Variants in DACH1 observed in about 807,000 individuals in gnomAD.
DACH1 encodes dachshund homolog 1.
In DACH1, 12 loss-of-function variants were observed where a neutral mutation model predicts 54.2. That is an observed-to-expected ratio of 0.22 (90% CI 0.14 to 0.36). The LOEUF (loss-of-function observed/expected upper bound fraction) is 0.36. Ranked by LOEUF, DACH1 falls within the 10% of genes least tolerant of loss-of-function variation. The pLI is 1.00. For missense variants in DACH1, 805 were observed against 929.8 expected (o/e 0.87, Z 1.75); for synonymous variants, 386 against 366.2 (o/e 1.05, Z -0.62).
intron 1 of DACH1, among the ~76,000 whole-genome samples, chr13:71,805,229 A>G (rs894306434): frequency 6.6e-6 from 1 of 152,210 alleles, no homozygotes; most frequent in Non-Finnish European, 1.5e-5. Context: ...TCAAAGTACC[A>G]GGACATGACT....
In DACH1 at chr13:71,644,641, C is replaced by T. The variant is rs143342121; in HGVS notation, c.965-13924G>A. 3.6e-4 allele frequency among the ~76,000 whole-genome samples: 55 copies of T among 152,322 alleles called. 1 individual carries two copies. The highest frequency in any genetic ancestry group is 8.3e-4 in the South Asian group (4 of 4,828). ...GGCCCTCTCTGCCAGGTTCTATCCA[C>T]AAATCACAATGCTCTCAGCAGGGCA... On this transcript the variant is annotated intron_variant, in intron 2 of 10. Transcript: ENST00000613252.
intron 2 of DACH1, among the ~76,000 whole-genome samples, chr13:71,646,458 G>A (rs1878279411): frequency 6.6e-6 from 1 of 152,104 alleles, no homozygotes; most frequent in African/African-American, 2.4e-5. Flanking sequence ...AAAAAGTAGT[G>A]TTGATAATTG....
At chr13:71,489,300 T>A (rs1479052199) in intron 6 of DACH1, 152 bp from the exon 7 acceptor site, 1 of 813,320 alleles carries the variant, frequency 1.2e-6, no homozygotes, top group Non-Finnish European at 1.9e-6. Context: ...TTTTCTTTAA[T>A]GAAAAAGCTG....
intron 6 of DACH1, among the ~76,000 whole-genome samples, chr13:71,494,964 G>C (rs1234980614): frequency 1.3e-5 from 2 of 151,822 alleles, no homozygotes; most frequent in Non-Finnish European, 2.9e-5. Flanking sequence ...AAAAAATAAT[G>C]GGCCTCTACT....
At chr13:71,838,809 A>T (rs1158869929) in intron 1 of DACH1, among the ~76,000 whole-genome samples, 3 of 152,204 alleles carry the variant, frequency 2.0e-5, no homozygotes, top group Non-Finnish European at 4.4e-5. Flanking sequence ...ATCAGCCAGC[A>T]CACTCTGCAA....
At chr13:71,512,270 T>C (rs1880833149) in intron 6 of DACH1, among the ~76,000 whole-genome samples, 1 of 151,946 alleles carries the variant, frequency 6.6e-6, no homozygotes, top group Non-Finnish European at 1.5e-5. Flanking sequence ...TTCTGCATAC[T>C]GCCTAGCCTT....
intron 3 of DACH1, among the ~76,000 whole-genome samples, chr13:71,611,459 A>C (rs1173853545): frequency 6.6e-6 from 1 of 152,146 alleles, no homozygotes; most frequent in Non-Finnish European, 1.5e-5. Context: ...AGCGGAATAG[A>C]TCTTCAACAG....
chr13:71,739,892 C>T (rs1414450973), intron 1 of DACH1, among the ~76,000 whole-genome samples: 1 of 152,130 alleles, frequency 6.6e-6, no homozygotes, highest in Non-Finnish European at 1.5e-5. Context: ...AACTAAAACA[C>T]TTTGAAGCTA....
intron 2 of DACH1, among the ~76,000 whole-genome samples, chr13:71,646,194 A>T (rs1173988085): frequency 6.6e-6 from 1 of 151,910 alleles, no homozygotes; most frequent in Non-Finnish European, 1.5e-5. Context: ...AAAATTAGCC[A>T]GGCATGGTGG....
chr13:71,785,914 G>T (rs945773815), intron 1 of DACH1, among the ~76,000 whole-genome samples: 2 of 152,086 alleles, frequency 1.3e-5, no homozygotes, highest in Non-Finnish European at 2.9e-5. Flanking sequence ...TCTTGGACAG[G>T]CAGGGTCCTC....
chr13:71,565,792 G>A (rs1477074195), intron 4 of DACH1, among the ~76,000 whole-genome samples: 2 of 152,138 alleles, frequency 1.3e-5, no homozygotes, highest in Non-Finnish European at 2.9e-5. Flanking sequence ...TTATTCTCCT[G>A]TTGTCTTTTT....
chr13:71,710,387 G>A (rs1463190851), intron 1 of DACH1, among the ~76,000 whole-genome samples: 1 of 151,918 alleles, frequency 6.6e-6, no homozygotes, highest in East Asian at 1.9e-4. Context: ...ATCATAGAAA[G>A]CCCCAGAGAT....
At chr13:71,644,175 T>C (rs979543946) in intron 2 of DACH1, among the ~76,000 whole-genome samples, 4 of 152,176 alleles carry the variant, frequency 2.6e-5, no homozygotes, top group Admixed American at 6.5e-5. Context: ...ATTAATTAAA[T>C]GCATTGTAAA....
chr13:71,773,497 T>C (rs1227926155), intron 1 of DACH1, among the ~76,000 whole-genome samples: 1 of 152,002 alleles, frequency 6.6e-6, no homozygotes, highest in Admixed American at 6.6e-5. Context: ...GTTTGGTAAT[T>C]GTAAAACCTG....
intron 1 of DACH1, among the ~76,000 whole-genome samples, chr13:71,763,959 G>C (rs761694446): frequency 1.3e-5 from 2 of 151,934 alleles, no homozygotes; most frequent in Non-Finnish European, 1.5e-5. Flanking sequence ...TATTTTTAAC[G>C]AACATTTGTT....
At chr13:71,593,042 A>G (rs1873847693) in intron 3 of DACH1, among the ~76,000 whole-genome samples, 1 of 152,196 alleles carries the variant, frequency 6.6e-6, no homozygotes, top group Non-Finnish European at 1.5e-5. Flanking sequence ...AGTGCATAAG[A>G]GCACCTCACC....
chr13:71,763,746 A>C (rs552682600), intron 1 of DACH1, among the ~76,000 whole-genome samples: 1 of 152,080 alleles, frequency 6.6e-6, no homozygotes, highest in African/African-American at 2.4e-5. Context: ...TAAACCTTTT[A>C]ATCGATCATT....
At chr13:71,625,652 T>C (rs995877639) in intron 3 of DACH1, among the ~76,000 whole-genome samples, 2 of 151,970 alleles carry the variant, frequency 1.3e-5, no homozygotes, top group African/African-American at 4.8e-5. Context: ...TACTTGAAAC[T>C]TCTACATTCT....
At chr13:71,635,616 C>A (rs1877428332) in intron 2 of DACH1, among the ~76,000 whole-genome samples, 1 of 152,074 alleles carries the variant, frequency 6.6e-6, no homozygotes, top group Non-Finnish European at 1.5e-5. Context: ...CTGGTGTAAA[C>A]ACTGGCAACC....
Sources: gnomAD v4.1 joint callset for allele counts (sites outside exome capture counted in the v4.1 genomes callset) on GRCh38, gnomAD v4.1.1 for gene constraint, MANE v1.5 for transcripts, NCBI Gene and HGNC (gene_info 2026-07-23, HGNC 2026-07-21) for gene names.